ATIC: variants seen among roughly 807,000 people sequenced by gnomAD.
ATIC encodes bifunctional purine biosynthesis protein ATIC.
In ATIC, 64 loss-of-function variants were observed where a neutral mutation model predicts 72.5. The ratio of observed to expected loss-of-function variants is 0.88; its 90% confidence interval spans 0.72 to 1.09. ATIC has a LOEUF of 1.09. Ranked by LOEUF, ATIC falls within the 50% of genes least tolerant of loss-of-function variation. The pLI is 0.00. For missense variants in ATIC, 787 were observed against 732.4 expected, an observed-to-expected ratio of 1.07 and a Z score of -0.86; for synonymous variants, 281 against 267.1, an observed-to-expected ratio of 1.05 and a Z score of -0.51.
intron 2 of ATIC, among the ~76,000 whole-genome samples, chr2:215,317,104 A>G (rs2052718374): frequency 1.3e-5 from 2 of 152,082 alleles, no homozygotes; most frequent in Admixed American, 1.3e-4. Context: ...ATTTTTACAC[A>G]CCATTACAAC....
At chr2:215,342,525 C>G (rs1466717422) in intron 12 of ATIC, among the ~76,000 whole-genome samples, 2 of 152,194 alleles carry the variant, frequency 1.3e-5, no homozygotes, top group African/African-American at 4.8e-5. Context: ...ATTTCCAACA[C>G]TGCAGTGATC....
intron 7 of ATIC, among the ~76,000 whole-genome samples, chr2:215,327,476 A>T (rs1238990365): frequency 6.6e-6 from 1 of 152,240 alleles, no homozygotes; most frequent in Non-Finnish European, 1.5e-5. Context: ...ATGTGATGTT[A>T]AGAACTAACA....
intron 7 of ATIC, among the ~76,000 whole-genome samples, chr2:215,328,020 C>T (rs752950971): frequency 6.6e-5 from 10 of 151,768 alleles, no homozygotes; most frequent in South Asian, 2.1e-4. Flanking sequence ...ATTACAGGTG[C>T]GCACCACAAT....
the ATIC span, chr2:215,368,066 T>TA: frequency 6.2e-7 from 1 of 1,605,254 alleles, no homozygotes; most frequent in Non-Finnish European, 8.5e-7. Flanking sequence ...AGAGACATCT[T>TA]ATTAATCGAT....
intron 3 of ATIC, among the ~76,000 whole-genome samples, chr2:215,319,295 C>G (rs1208704133): frequency 6.6e-6 from 1 of 152,096 alleles, no homozygotes; most frequent in Non-Finnish European, 1.5e-5. Flanking sequence ...AGTCCCAGCA[C>G]TTGGAGAGCT....
the ATIC span, among the ~76,000 whole-genome samples, chr2:215,358,324 A>G: frequency 6.6e-6 from 1 of 152,002 alleles, no homozygotes; most frequent in Admixed American, 6.5e-5. Flanking sequence ...TTTTTCTTGC[A>G]TTGTTGATTT....
At chr2:215,355,420 A>G in the ATIC span, among the ~76,000 whole-genome samples, 4,597 of 152,188 alleles carry the variant, frequency 0.03, 232 homozygotes, top group African/African-American at 0.1. Context: ...GTGTATTTCT[A>G]TTGGGGGATC....
At chr2:215,355,874 C>G in the ATIC span, among the ~76,000 whole-genome samples, 1 of 152,174 alleles carries the variant, frequency 6.6e-6, no homozygotes, top group Non-Finnish European at 1.5e-5. Context: ...CCTTGTTTTG[C>G]CAGTCAGTAG....
intron 7 of ATIC, 121 bp from the exon 8 acceptor site, chr2:215,332,259 ATC>A: frequency 7.4e-7 from 1 of 1,347,688 alleles, no homozygotes; most frequent in African/African-American, 1.5e-5. Flanking sequence ...GTTTGTGTGT[ATC>A]TGTTTGGCTC....
downstream of ATIC, among the ~76,000 whole-genome samples, chr2:215,351,256 A>G (rs775581123): frequency 6.6e-6 from 1 of 152,144 alleles, no homozygotes; most frequent in African/African-American, 2.4e-5. Flanking sequence ...TCTGGCTTCA[A>G]CCTCTTCAGA....
chr2:215,357,361 G>T, the ATIC span, among the ~76,000 whole-genome samples: 1 of 152,154 alleles, frequency 6.6e-6, no homozygotes, highest in Non-Finnish European at 1.5e-5. Context: ...CATCATTCTG[G>T]GCTGGCTGCC....
the ATIC span, among the ~76,000 whole-genome samples, chr2:215,363,876 TGGG>T: frequency 3.3e-5 from 5 of 152,224 alleles, no homozygotes; most frequent in Non-Finnish European, 7.3e-5. Flanking sequence ...GCTTAAATAA[TGGG>T]TTGCCAAGGC....
intron 10 of ATIC, among the ~76,000 whole-genome samples, chr2:215,335,306 T>C (rs927538752): frequency 3.9e-5 from 6 of 152,166 alleles, no homozygotes; most frequent in Admixed American, 2.0e-4. Context: ...GAAGTTGTAA[T>C]TTTAGGTGGT....
At chr2:215,342,000 A>C (rs959861466) in intron 12 of ATIC, among the ~76,000 whole-genome samples, 1 of 151,722 alleles carries the variant, frequency 6.6e-6, no homozygotes, top group Non-Finnish European at 1.5e-5. Flanking sequence ...AGCGAGAGAA[A>C]TGCCAGACGC....
intron 13 of ATIC, among the ~76,000 whole-genome samples, chr2:215,346,535 G>C (rs1268923682): frequency 1.3e-5 from 2 of 150,900 alleles, no homozygotes; most frequent in East Asian, 3.9e-4. Flanking sequence ...ATTATTAATA[G>C]TCATATGTCA....
chr2:215,344,354 A>G (rs2053050165), intron 12 of ATIC, among the ~76,000 whole-genome samples: 1 of 152,174 alleles, frequency 6.6e-6, no homozygotes, highest in Non-Finnish European at 1.5e-5. Flanking sequence ...TTTGAGTGGT[A>G]TAACTATGTT....
Position 215,338,801 on chromosome 2 carries a change from A to G in ATIC, c.1121A>G (p.Asp374Gly), listed in dbSNP as rs373091794. 1.2e-6 allele frequency: 2 copies of G among 1,613,836 alleles called. No individual in the cohort carries two copies. The highest frequency in any genetic ancestry group is 1.7e-6 in the Non-Finnish European group (2 of 1,179,828). The change falls in exon 12 of 16, where the codon GAT becomes GGT. Residue 374 changes from aspartate to glycine, a missense_variant. Coordinates refer to ENST00000236959, the MANE Select transcript of ATIC (RefSeq NM_004044.7). ...VLQMDQSYKP[D>G]ENEVRTLFGL... The stretch of plus-strand genomic sequence containing the variant: ...TAGATGGACCAATCTTACAAACCAG[A>G]TGAAAATGAAGTTCGAACTCTCTTT...
At chr2:215,334,603 T>TA (rs988469224) in intron 9 of ATIC, among the ~76,000 whole-genome samples, 38 of 152,228 alleles carry the variant, frequency 2.5e-4, no homozygotes, top group Non-Finnish European at 2.8e-4. Context: ...GAGAAACTAT[T>TA]ACCATAGTTT....
At chr2:215,353,114 G>C (rs748309227), downstream of ATIC, among the ~76,000 whole-genome samples, 11 of 152,164 alleles carry the variant, frequency 7.2e-5, no homozygotes, top group Non-Finnish European at 1.2e-4. Context: ...CATGTTTAAA[G>C]TTATTATTGC....
Sources: allele counts gnomAD v4.1 joint callset (sites outside exome capture counted in the v4.1 genomes callset), GRCh38; gene constraint gnomAD v4.1.1; transcripts MANE v1.5; gene names NCBI Gene and HGNC (gene_info 2026-07-23, HGNC 2026-07-21).